KCTD18: variants seen among roughly 807,000 people sequenced by gnomAD.
KCTD18 encodes the protein potassium channel tetramerization domain containing 18, also known as BTB/POZ domain-containing protein KCTD18.
A neutral mutation model predicts 30.4 loss-of-function variants in KCTD18; 22 were observed. That is an observed-to-expected ratio of 0.72 (90% CI 0.52 to 1.03). The LOEUF (loss-of-function observed/expected upper bound fraction) is 1.03, where lower values mean the gene tolerates loss of function less well. Among genes scored for constraint, KCTD18 ranks in the 50% least tolerant of loss-of-function variants. The pLI, the probability that KCTD18 is intolerant of heterozygous loss-of-function variation, is 0.00. For synonymous variants in KCTD18, 186 were observed against 209.0 expected (o/e 0.89, Z 0.95); for missense variants, 529 against 547.6 (o/e 0.97, Z 0.34).
At position 200,490,335 on chromosome 2, in the gene KCTD18, G is replaced by C. The variant is rs150419396; in HGVS notation, c.1046C>G (p.Ala349Gly). ...CGTGCCTCCATTTTCAGCGCTCGCA[G>C]CCCCAGGGGAAGCCTGAGGATGCCC... Reference protein sequence around the residue: ...APGHPQASPGAASAENGGTHL... With the variant: ...APGHPQASPGGASAENGGTHL... The change falls in exon 7 of 7, where the codon GCT (alanine) becomes GGT (glycine). Residue 349 changes from alanine (A) to glycine (G), a missense_variant. By Grantham distance (60) the Ala-to-Gly change is moderately conservative. Transcript: ENST00000359878. 5.1e-5 allele frequency: 83 copies of C among 1,614,234 alleles called. No homozygotes were observed. In the African/African-American group the frequency reaches 9.5e-4, roughly 18 times the overall value.
intron 4 of KCTD18, 88 bp from the exon 5 acceptor site, chr2:200,497,935 C>T (rs2106279881): frequency 3.2e-6 from 3 of 925,956 alleles, no homozygotes; most frequent in Non-Finnish European, 5.1e-6. Flanking sequence ...TTAATAAGAG[C>T]TTGTTAATTA....
intron 3 of KCTD18, among the ~76,000 whole-genome samples, chr2:200,503,035 G>GAAAA (rs1208626767): frequency 3.4e-5 from 2 of 58,106 alleles, no homozygotes; most frequent in African/African-American, 1.3e-4. Flanking sequence ...CATCTCAAAA[G>GAAAA]AAAAAAAAAA....
chr2:200,497,769 A>T lies in KCTD18; in HGVS notation c.645T>A (p.Asp215Glu). ...AELKKMMDAF[D>E]AWEGKGVSYW... ...GCACTGTACCTTTTCCTTCCCAAGCATCAAAGGCATCCATCATTTTCTTCA... is the reference window on the plus strand; with the variant it reads ...GCACTGTACCTTTTCCTTCCCAAGCTTCAAAGGCATCCATCATTTTCTTCA... The change falls in exon 5 of 7, where the codon GAT becomes GAA. Residue 215 changes from aspartate (D) to glutamate (E), a missense_variant. Physicochemically the swap from Asp to Glu is conservative, Grantham distance 45. Coordinates refer to ENST00000359878, the MANE Select transcript of KCTD18 (RefSeq NM_152387.4). 6.2e-7 allele frequency: 1 copy of T among 1,610,410 alleles called. No homozygotes were observed. The highest frequency in any genetic ancestry group is 8.5e-7 in the Non-Finnish European group (1 of 1,177,040).
chr2:200,493,299 A>T (rs374863949), intron 5 of KCTD18, 25 bp from the exon 6 acceptor site: 7 of 1,324,974 alleles, frequency 5.3e-6, no homozygotes, highest in Non-Finnish European at 6.5e-6. Flanking sequence ...GACATAATTA[A>T]GACAGCTACC....
In KCTD18 at chr2:200,506,901, G is replaced by GCCAA. The variant is rs2030230117; in HGVS notation, c.112_115dup (p.Ala39ValfsTer15). The GCCAA allele has an allele frequency of 1.2e-6, 2 of 1,613,924 alleles. No individual in the cohort carries two copies. The highest frequency in any genetic ancestry group is 4.5e-5 in the East Asian group (2 of 44,874). On this transcript the variant is annotated frameshift_variant, in exon 2 of 7. Coordinates refer to ENST00000359878, the MANE Select transcript of KCTD18 (RefSeq NM_152387.4). LOFTEE classifies it high-confidence loss of function. ...AGGAAAGCGACCACTGAACATAGAT[G>GCCAA]CCAACATGGAGTCCTTGAAGCGGCA...
At chr2:200,501,730 G>A (rs915204085) in intron 3 of KCTD18, among the ~76,000 whole-genome samples, 17 of 151,148 alleles carry the variant, frequency 1.1e-4, no homozygotes, top group East Asian at 9.7e-4. Flanking sequence ...TCAGTGTGGC[G>A]ATTCCTCAGG....
At chr2:200,506,817 A>G in intron 2 of KCTD18, 40 bp downstream of exon 2, 1 of 1,591,690 alleles carries the variant, frequency 6.3e-7, no homozygotes, top group Admixed American at 1.8e-5. Flanking sequence ...ACTGGTGTTA[A>G]TAAATATTCA....
chr2:200,495,780 T>C (rs946115379), intron 5 of KCTD18: 1 of 152,074 alleles, frequency 6.6e-6, no homozygotes, highest in Admixed American at 6.5e-5. Context: ...ATTAAGGATA[T>C]ACTTTGTCCA....
chr2:200,499,313 C>T (rs528011430), intron 3 of KCTD18, among the ~76,000 whole-genome samples: 1 of 152,210 alleles, frequency 6.6e-6, no homozygotes, highest in East Asian at 1.9e-4. Flanking sequence ...AAAACCCCAA[C>T]ACCTTTTCAT....
intron 5 of KCTD18, chr2:200,497,479 TAGGTA>T: frequency 3.3e-6 from 1 of 302,328 alleles, no homozygotes. Context: ...CAATGCACAG[TAGGTA>T]CTAAATGAAC....
intron 1 of KCTD18, 144 bp downstream of exon 1, chr2:200,509,484 G>A (rs1277400184): frequency 3.3e-5 from 5 of 152,394 alleles, no homozygotes; most frequent in African/African-American, 4.8e-5. Flanking sequence ...CTCTCCTAAG[G>A]ATAGGAACAT....
chr2:200,503,851 AT>A (rs1285888689), intron 3 of KCTD18, among the ~76,000 whole-genome samples: 2 of 152,216 alleles, frequency 1.3e-5, no homozygotes, highest in Non-Finnish European at 2.9e-5. Flanking sequence ...TAAGAAAAAT[AT>A]TTTCCTTAGA....
At position 200,490,400 on chromosome 2, in the gene KCTD18, T is replaced by C. The variant is rs1574793496; in HGVS notation, c.981A>G (p.Ala327=). The C allele has an allele frequency of 1.9e-6, 3 of 1,614,074 alleles. No individual in the cohort carries two copies. The highest frequency in any genetic ancestry group is 1.3e-5 in the African/African-American group (1 of 74,946). ...GSRRKAAQRS[A]PSRATALVGT... ...CCACCAGGGCCGTGGCTCTGGAAGG[T>C]GCAGAGCGCTGAGCTGCCTTTCTGC... The change falls in exon 7 of 7, where the codon GCA becomes GCG. Residue 327 remains alanine (A), a synonymous_variant. Coordinates refer to ENST00000359878, the MANE Select transcript of KCTD18 (RefSeq NM_152387.4).
intron 3 of KCTD18, among the ~76,000 whole-genome samples, chr2:200,502,030 C>T (rs1003837384): frequency 6.6e-6 from 1 of 151,622 alleles, no homozygotes; most frequent in South Asian, 2.1e-4. Flanking sequence ...AGTAAACTAT[C>T]GCAAGAACAA....
chr2:200,505,395 C>T (rs1033391401), intron 2 of KCTD18, among the ~76,000 whole-genome samples: 27 of 152,220 alleles, frequency 1.8e-4, no homozygotes, highest in African/African-American at 6.3e-4. Flanking sequence ...CATGGAACTG[C>T]ATCTTCCTGG....
chr2:200,500,856 G>A (rs1368427316), intron 3 of KCTD18, among the ~76,000 whole-genome samples: 2 of 152,188 alleles, frequency 1.3e-5, no homozygotes, highest in East Asian at 3.8e-4. Flanking sequence ...AAAGCTGGAG[G>A]AGGCATCATG....
chr2:200,491,936 T>C (rs149407019), intron 6 of KCTD18, among the ~76,000 whole-genome samples: 35 of 152,324 alleles, frequency 2.3e-4, no homozygotes, highest in Admixed American at 1.1e-3. Flanking sequence ...ATATAATATA[T>C]TCAACCCTAA....
chr2:200,498,137 A>T (rs953821205), intron 4 of KCTD18, among the ~76,000 whole-genome samples: 2 of 152,182 alleles, frequency 1.3e-5, no homozygotes, highest in Non-Finnish European at 2.9e-5. Flanking sequence ...CAAGTTTTTA[A>T]AAAAAATCAG....
At chr2:200,493,136 A>T in intron 6 of KCTD18, 36 bp downstream of exon 6, 1 of 1,317,272 alleles carries the variant, frequency 7.6e-7, no homozygotes, top group African/African-American at 1.4e-5. Context: ...CAGCGATTAA[A>T]AAAACAAAAC....
Sources: allele counts gnomAD v4.1 joint callset (sites outside exome capture counted in the v4.1 genomes callset), GRCh38; gene constraint gnomAD v4.1.1; transcripts MANE v1.5; gene names NCBI Gene and HGNC (gene_info 2026-07-23, HGNC 2026-07-21).